MARK2: variants seen among roughly 807,000 people sequenced by gnomAD.
MARK2 encodes the protein serine/threonine-protein kinase MARK2.
In MARK2, 16 loss-of-function variants were observed where a neutral mutation model predicts 89.8. The ratio of observed to expected loss-of-function variants is 0.18; its 90% CI spans 0.12 to 0.27. The LOEUF (loss-of-function observed/expected upper bound fraction) is 0.27. Ranked by LOEUF, MARK2 falls within the 10% of genes least tolerant of loss-of-function variation. The pLI, the probability that MARK2 is intolerant of heterozygous loss-of-function variation, is 1.00. For synonymous variants in MARK2, 382 were observed against 399.5 expected, an observed-to-expected ratio of 0.96 and a Z score of 0.52; for missense variants, 621 against 1,049.9, an observed-to-expected ratio of 0.59 and a Z score of 5.65.
intron 1 of MARK2, among the ~76,000 whole-genome samples, chr11:63,856,731 T>A (rs2016869807): frequency 6.7e-6 from 1 of 150,254 alleles, no homozygotes; most frequent in African/African-American, 2.4e-5. Flanking sequence ...TCTTGTTTTT[T>A]ATTTTTCTCA....
At chr11:63,859,141 T>G (rs867629774) in intron 1 of MARK2, among the ~76,000 whole-genome samples, 1 of 152,080 alleles carries the variant, frequency 6.6e-6, no homozygotes, top group African/African-American at 2.4e-5. Flanking sequence ...ACTGCAACGC[T>G]TACACAGCTT....
intron 17 of MARK2, 46 bp downstream of exon 17, chr11:63,906,160 TGTC>T (rs1941320978): frequency 9.5e-6 from 12 of 1,267,072 alleles, no homozygotes; most frequent in East Asian, 3.1e-5. Flanking sequence ...TGTGTGTCTG[TGTC>T]CTGTGTCCTG....
At chr11:63,857,360 A>G (rs955700783) in intron 1 of MARK2, among the ~76,000 whole-genome samples, 14 of 148,240 alleles carry the variant, frequency 9.4e-5, no homozygotes, top group Non-Finnish European at 2.1e-4. Context: ...GGGTTTCTCC[A>G]TGTTGGTCAG....
chr11:63,842,212 G>A (rs1326342860), intron 1 of MARK2, among the ~76,000 whole-genome samples: 2 of 148,034 alleles, frequency 1.4e-5, no homozygotes, highest in Non-Finnish European at 3.0e-5. Context: ...ACAGATTCCT[G>A]TATTCTTTTT....
intron 1 of MARK2, among the ~76,000 whole-genome samples, chr11:63,848,431 G>A (rs2016386485): frequency 6.6e-6 from 1 of 152,090 alleles, no homozygotes; most frequent in Non-Finnish European, 1.5e-5. Flanking sequence ...TGTTGCCCAG[G>A]CTGGAGTACA....
Position 63,909,484 on chromosome 11 carries a change from G to A in MARK2, c.*247G>A. On this transcript the variant is annotated 3_prime_UTR_variant, in exon 19 of 19. Coordinates refer to ENST00000402010, the MANE Select transcript of MARK2 (RefSeq NM_001039469.3). ...CTCCTCTCCCCTACTGGAGGCAAAGGAAGGGGAGGGTGGATGGGGGGGCAG... is the reference window on the plus strand; with the variant it reads ...CTCCTCTCCCCTACTGGAGGCAAAGAAAGGGGAGGGTGGATGGGGGGGCAG... The A allele has an allele frequency of 2.6e-6, 1 of 390,036 alleles. No homozygotes were observed. The highest frequency in any genetic ancestry group is 6.2e-5 in the South Asian group (1 of 16,046). 24.2% of individuals were successfully genotyped at this position (390,036 alleles called of 1,614,324 possible). A position where few individuals can be genotyped will look rare whatever the true frequency, so the allele number is the denominator to read the frequency against.
At chr11:63,901,720 G>GTGTA (rs1554985529) in intron 11 of MARK2, among the ~76,000 whole-genome samples, 1 of 151,490 alleles carries the variant, frequency 6.6e-6, no homozygotes, top group Admixed American at 6.6e-5. Flanking sequence ...GTGTGTGTGT[G>GTGTA]TGTATGTGTC....
At chr11:63,891,828 GA>G (rs1471101360) in intron 1 of MARK2, among the ~76,000 whole-genome samples, 2 of 152,208 alleles carry the variant, frequency 1.3e-5, no homozygotes, top group Non-Finnish European at 2.9e-5. Context: ...ATGGGGCTGA[GA>G]AAAAGGTAGC....
chr11:63,865,799 G>A lies in MARK2; in HGVS notation c.54+26239G>A, dbSNP rs77319204. Among the ~76,000 whole-genome samples, 581 of 152,346 alleles carry A rather than the reference G, an allele frequency of 3.8e-3. 4 individuals are homozygous for A. The highest frequency in any genetic ancestry group is 9.7e-3 in the South Asian group (47 of 4,828). ...TTGTGCTTTTTCAAGTAAACAGATA[G>A]ATTTGGGCCAGGTAAGTTGATTTTG... On this transcript the variant is annotated intron_variant, in intron 1 of 18. Coordinates refer to ENST00000402010, the MANE Select transcript of MARK2 (RefSeq NM_001039469.3).
chr11:63,897,410 G>T (rs224170), intron 3 of MARK2, among the ~76,000 whole-genome samples: 10,088 of 152,244 alleles, frequency 0.066, 475 homozygotes, highest in Non-Finnish European at 0.089. Flanking sequence ...AAGCTCTGGG[G>T]CATCATTAAA....
intron 1 of MARK2, among the ~76,000 whole-genome samples, chr11:63,853,960 C>T (rs542772417): frequency 7.8e-4 from 119 of 152,258 alleles, no homozygotes; most frequent in Non-Finnish European, 1.3e-3. Context: ...GCCACCTCTG[C>T]CTCCTGGGTT....
rs535377951 is a variant in MARK2, at chr11:63,906,131, CTG to C, written c.1961+41_1961+42del. 534,518 of 1,181,054 alleles carry C rather than the reference CTG, an allele frequency of 0.45. 65,459 individuals carry two copies. The highest frequency in any genetic ancestry group is 0.6 in the East Asian group (18,569 of 30,706). 73.2% of individuals were successfully genotyped at this position (1,181,054 alleles called of 1,614,324 possible). On this transcript the variant is annotated intron_variant, in intron 17 of 18. Coordinates refer to ENST00000402010, the MANE Select transcript of MARK2 (RefSeq NM_001039469.3). ...TGCCAGAAGGTAGGCGTTGAGCCCG[CTG>C]TGTGTGTGTGTGTGTGTGTGTGTCT...
At chr11:63,894,501 A>G (rs1940192735) in intron 1 of MARK2, among the ~76,000 whole-genome samples, 3 of 152,204 alleles carry the variant, frequency 2.0e-5, no homozygotes, top group Admixed American at 6.5e-5. Flanking sequence ...GTTTGAGACC[A>G]GCCTGACCAA....
intron 1 of MARK2, among the ~76,000 whole-genome samples, chr11:63,856,326 T>G (rs1303187074): frequency 1.0e-3 from 153 of 149,792 alleles, no homozygotes; most frequent in Non-Finnish European, 1.7e-3. Context: ...TTTTTGTTTT[T>G]TTTTTTTTTT....
chr11:63,883,883 G>A (rs775661396), intron 1 of MARK2, among the ~76,000 whole-genome samples: 7 of 152,138 alleles, frequency 4.6e-5, no homozygotes, highest in Admixed American at 2.6e-4. Flanking sequence ...CACCACGCCC[G>A]GCCAGATTTT....
At chr11:63,867,166 A>ACAGT (rs1263121823) in intron 1 of MARK2, among the ~76,000 whole-genome samples, 1 of 152,184 alleles carries the variant, frequency 6.6e-6, no homozygotes, top group African/African-American at 2.4e-5. Context: ...AGCTGGGACC[A>ACAGT]CAGTCATGTG....
intron 1 of MARK2, among the ~76,000 whole-genome samples, chr11:63,882,983 C>T (rs1233710411): frequency 3.9e-5 from 6 of 152,210 alleles, no homozygotes; most frequent in Admixed American, 1.3e-4. Context: ...ACCCCCATCC[C>T]CCAGAGCCCT....
intron 1 of MARK2, among the ~76,000 whole-genome samples, chr11:63,841,136 C>CT (rs1364525005): frequency 1.3e-5 from 2 of 152,242 alleles, no homozygotes; most frequent in Non-Finnish European, 2.9e-5. Flanking sequence ...ATGTTTCCCT[C>CT]TTACTCCCTT....
In MARK2 at chr11:63,900,703, G is replaced by T; in HGVS notation, c.888+25G>T. 1.2e-6 allele frequency: 2 copies of T among 1,613,884 alleles called. No individual in the cohort carries two copies. Among genetic ancestry groups the T allele is most frequent in the Non-Finnish European group, 1.7e-6 (2 of 1,179,742 alleles). ...GGTGAGCAGTGGAGCCCAACTGGCG[G>T]AAGGGCCTGGGGTCCCCACAGAAAC... is the stretch of plus-strand genomic sequence containing the variant. On this transcript the variant is annotated intron_variant, in intron 9 of 18. Transcript: ENST00000402010. This position sits in a 1 kb window ranked among gnomAD's most constrained non-coding sequence, Gnocchi z 4.7.
Sources: allele counts gnomAD v4.1 joint callset (sites outside exome capture counted in the v4.1 genomes callset), GRCh38; gene constraint gnomAD v4.1.1; non-coding constraint Gnocchi (gnomAD v3.1); transcripts MANE v1.5; gene names NCBI Gene and HGNC (gene_info 2026-07-23, HGNC 2026-07-21).